The following RGS12 variants were observed in gnomAD, a reference collection of about 807,000 sequenced individuals.
RGS12 encodes the protein regulator of G-protein signaling 12.
In RGS12, 66 loss-of-function variants were observed where a neutral mutation model predicts 120.1. The observed-to-expected ratio is 0.55, with a 90% CI of 0.45 to 0.67. The LOEUF (loss-of-function observed/expected upper bound fraction) is 0.67. Among genes scored for constraint, RGS12 ranks in the 30% least tolerant of loss-of-function variants. RGS12 has a pLI of 0.00. For synonymous variants in RGS12, 827 were observed against 804.7 expected (o/e 1.03, Z -0.47); for missense variants, 1,859 against 1,957.7 (o/e 0.95, Z 0.95).
At chr4:3,431,704 T>TGGCCATCCC in intron 17 of RGS12, 1 of 985,588 alleles carries the variant, frequency 1.0e-6, no homozygotes, top group Non-Finnish European at 1.2e-6. Context: ...GTGGCCTGCG[T>TGGCCATCCC]GGCCATCCCC....
rs960414490 is a variant in RGS12 at position 3,365,859 on chromosome 4, G to C, written c.1999-20557G>C. On this transcript the variant is annotated intron_variant, in intron 3 of 17. Coordinates refer to ENST00000336727, the MANE Select transcript of RGS12 (RefSeq NM_001394154.1). The surrounding 1 kb of genome is among the most constrained non-coding windows in gnomAD (Gnocchi z 4.0). ...CCTGTGAACTCCGGACATGTAATAGGATTCTTCAGTGCTTCAGGGCCTTCT... is the reference window on the plus strand; with the variant it reads ...CCTGTGAACTCCGGACATGTAATAGCATTCTTCAGTGCTTCAGGGCCTTCT... Among the ~76,000 whole-genome samples the C allele has an allele frequency of 3.9e-5, 6 of 152,314 alleles. No individual in the cohort carries two copies. The highest frequency in any genetic ancestry group is 3.4e-3 in the Middle Eastern group (1 of 294).
chr4:3,317,834 A>G lies in RGS12; in HGVS notation c.1664A>G (p.Asp555Gly). Residue 555 changes from aspartate (D) to glycine (G), a missense_variant, in exon 2 of 18, where the codon GAC (aspartate) becomes GGC (glycine). Physicochemically the swap from Asp to Gly is moderately conservative, Grantham distance 94. Coordinates refer to ENST00000336727, the MANE Select transcript of RGS12 (RefSeq NM_001394154.1). ...CAGTGCGGACACACCAGCGACCAGG[A>G]CTCTTACACAGATTCCACCGATGGC... Reference protein sequence around the residue: ...EWQCGHTSDQDSYTDSTDGWS... With the variant: ...EWQCGHTSDQGSYTDSTDGWS... The G allele has an allele frequency of 6.2e-7, 1 of 1,613,110 alleles. No homozygotes were observed.
At chr4:3,381,825 C>T (rs963695) in intron 3 of RGS12, among the ~76,000 whole-genome samples, 14,772 of 152,232 alleles carry the variant, frequency 0.097, 881 homozygotes, top group East Asian at 0.16. Flanking sequence ...AGAAATTGGT[C>T]ATGACTTTTC....
chr4:3,424,851 C>T (rs1057185700), intron 13 of RGS12, among the ~76,000 whole-genome samples: 3 of 152,254 alleles, frequency 2.0e-5, no homozygotes, highest in African/African-American at 7.2e-5. Flanking sequence ...GGGCCCACCA[C>T]GCCTGCCCAG....
chr4:3,380,837 G>A (rs1384679609), intron 3 of RGS12, among the ~76,000 whole-genome samples: 1 of 152,210 alleles, frequency 6.6e-6, no homozygotes, highest in African/African-American at 2.4e-5. Context: ...GAGAGGGGCT[G>A]CCCCAAAGGT....
chr4:3,398,926 G>A (rs541901976), intron 4 of RGS12, among the ~76,000 whole-genome samples: 2 of 152,090 alleles, frequency 1.3e-5, no homozygotes, highest in Non-Finnish European at 2.9e-5. Context: ...AAAAATTATA[G>A]CATACAGAGA....
At position 3,316,348 on chromosome 4, in the gene RGS12, G is replaced by A; in HGVS notation, c.178G>A (p.Ala60Thr). ...GSPADFVGLR[A>T]GDQILAVNEI... Reference sequence around the variant, plus strand: ...CCCTGCGGATTTCGTGGGCCTCCGAGCTGGAGACCAGATACTTGCTGTCAA... The same window carrying A: ...CCCTGCGGATTTCGTGGGCCTCCGAACTGGAGACCAGATACTTGCTGTCAA... The change falls in exon 2 of 18, where the codon GCT becomes ACT. Residue 60 changes from alanine (A) to threonine (T), a missense_variant. Physicochemically the swap from Ala to Thr is moderately conservative, Grantham distance 58 (BLOSUM62 0). This residue lies in a region of RGS12 where 967 missense variants were observed against 994.2 expected (regional missense o/e 0.97). Coordinates refer to ENST00000336727, the MANE Select transcript of RGS12 (RefSeq NM_001394154.1). 1 of 1,612,160 alleles carries A rather than the reference G, an allele frequency of 6.2e-7. No individual in the cohort carries two copies. The highest frequency in any genetic ancestry group is 8.5e-7 in the Non-Finnish European group (1 of 1,179,088).
chr4:3,370,480 G>A (rs928122618), intron 3 of RGS12, among the ~76,000 whole-genome samples: 1 of 152,208 alleles, frequency 6.6e-6, no homozygotes, highest in Non-Finnish European at 1.5e-5. Context: ...AGCTCAAAGC[G>A]AGTGCTGCGG....
intron 2 of RGS12, among the ~76,000 whole-genome samples, chr4:3,342,153 C>A (rs1713301247): frequency 6.6e-6 from 1 of 151,972 alleles, no homozygotes; most frequent in African/African-American, 2.4e-5. Flanking sequence ...ACAAAAGTAG[C>A]TGCAGAGCCT....
intron 9 of RGS12, chr4:3,418,478 G>A (rs1722648232): frequency 6.6e-6 from 1 of 152,366 alleles, no homozygotes; most frequent in Admixed American, 6.5e-5. Flanking sequence ...AGGCAGTGAG[G>A]TGATTGCGAT....
intron 4 of RGS12, among the ~76,000 whole-genome samples, chr4:3,395,357 C>T (rs1327928561): frequency 2.0e-5 from 3 of 152,190 alleles, no homozygotes; most frequent in South Asian, 2.1e-4. Context: ...AATATGGCAT[C>T]GTTCCTCCAT....
At chr4:3,368,800 C>T (rs986994712) in intron 3 of RGS12, among the ~76,000 whole-genome samples, 7 of 150,394 alleles carry the variant, frequency 4.7e-5, no homozygotes, top group African/African-American at 7.4e-5. Flanking sequence ...AGGCAGGGGA[C>T]GAGGATGCTG....
intron 3 of RGS12, among the ~76,000 whole-genome samples, chr4:3,367,398 G>A (rs1426779464): frequency 6.6e-6 from 1 of 152,276 alleles, no homozygotes; most frequent in Non-Finnish European, 1.5e-5. Context: ...CCCGCCTTGC[G>A]GTGCTTTCTT....
chr4:3,309,177 TGG>T (rs1724153723), intron 1 of RGS12, among the ~76,000 whole-genome samples: 1 of 5,258 alleles, frequency 1.9e-4, no homozygotes, highest in Admixed American at 1.6e-3. Context: ...GAGGAGGAGC[TGG>T]GACTCGGGAA....
chr4:3,413,545 G>A (rs907515033), intron 4 of RGS12: 2 of 153,128 alleles, frequency 1.3e-5, no homozygotes, highest in African/African-American at 2.4e-5. Flanking sequence ...TGCCCCCTTC[G>A]ACTGAGCACG....
In RGS12 at chr4:3,428,203, C is replaced by T. The variant is rs367595436; in HGVS notation, c.3411+34C>T. On this transcript the variant is annotated intron_variant, in intron 15 of 17. Transcript: ENST00000336727. ...CCACCCTGGCCCACCCTGTGCCCTGCTCCTCTCGCTGTGGCCCCCGCCTGC... is the reference window on the plus strand; with the variant it reads ...CCACCCTGGCCCACCCTGTGCCCTGTTCCTCTCGCTGTGGCCCCCGCCTGC... 7.0e-6 allele frequency: 11 copies of T among 1,580,326 alleles called. No individual in the cohort carries two copies. The African/African-American group carries it at 9.4e-5, about 14-fold the overall frequency.
chr4:3,328,367 T>C (rs546040590), intron 2 of RGS12, among the ~76,000 whole-genome samples: 5 of 152,282 alleles, frequency 3.3e-5, no homozygotes, highest in African/African-American at 1.2e-4. Flanking sequence ...GTAACAAAAT[T>C]GCACTTGTAC....
intron 2 of RGS12, among the ~76,000 whole-genome samples, chr4:3,326,574 A>T (rs1477342618): frequency 6.6e-6 from 1 of 152,182 alleles, no homozygotes; most frequent in Admixed American, 6.6e-5. Flanking sequence ...AAACCTAAAG[A>T]CTTGACTGAA....
At chr4:3,426,708 C>A (rs980096854) in intron 14 of RGS12, 1 of 152,140 alleles carries the variant, frequency 6.6e-6, no homozygotes, top group Admixed American at 6.5e-5. Flanking sequence ...CTCCTTAGAG[C>A]CCTTGTTGAG....
Sources: allele counts gnomAD v4.1 joint callset (sites outside exome capture counted in the v4.1 genomes callset), GRCh38; gene constraint gnomAD v4.1.1; regional missense constraint gnomAD v4.1.1; non-coding constraint Gnocchi (gnomAD v3.1); transcripts MANE v1.5; gene names NCBI Gene and HGNC (gene_info 2026-07-23, HGNC 2026-07-21).